Variants in SCN3A observed in about 807,000 individuals in gnomAD.
The protein encoded by SCN3A is sodium channel protein type 3 subunit alpha.
SCN3A carries 60 observed loss-of-function variants against 187.6 expected under a neutral mutation model. The ratio of observed to expected loss-of-function variants is 0.32; its 90% CI spans 0.26 to 0.40. The LOEUF is 0.40. Ranked by LOEUF, SCN3A falls within the 10% of genes least tolerant of loss-of-function variation. The probability of loss-of-function intolerance (pLI) is 1.00; values close to 1 mark genes in which losing one functional copy is unlikely to be tolerated. For missense variants in SCN3A, 1,601 were observed against 2,428.2 expected (o/e 0.66, Z 7.16); for synonymous variants, 788 against 829.2 (o/e 0.95, Z 0.85).
intron 18 of SCN3A, among the ~76,000 whole-genome samples, chr2:165,122,239 C>T (rs75455253): frequency 0.21 from 27,204 of 127,920 alleles, 2,820 homozygotes; most frequent in South Asian, 0.29. Flanking sequence ...TCTTTTTTTT[C>T]TTTTTTTTTT....
intron 9 of SCN3A, among the ~76,000 whole-genome samples, chr2:165,161,510 A>G (rs1689396032): frequency 6.6e-6 from 1 of 152,174 alleles, no homozygotes; most frequent in Admixed American, 6.5e-5. Context: ...TATGACTAGT[A>G]TACATTTTCA....
chr2:165,162,961 G>T, intron 7 of SCN3A, 133 bp from the exon 8 acceptor site: 1 of 1,054,558 alleles, frequency 9.5e-7, no homozygotes, highest in Non-Finnish European at 1.5e-6. Flanking sequence ...TGGATAGCCT[G>T]ATGATTTGGG....
intron 1 of SCN3A, among the ~76,000 whole-genome samples, chr2:165,186,997 C>A (rs947494448): frequency 1.3e-5 from 2 of 152,134 alleles, no homozygotes; most frequent in Non-Finnish European, 2.9e-5. Flanking sequence ...TCTTTGGCAG[C>A]CTTGATCCAT....
At chr2:165,138,895 A>T (rs571230397) in intron 14 of SCN3A, among the ~76,000 whole-genome samples, 1 of 152,198 alleles carries the variant, frequency 6.6e-6, no homozygotes, top group African/African-American at 2.4e-5. Flanking sequence ...TGTGTGATGT[A>T]TGAACAAGTT....
At chr2:165,168,903 T>G (rs1012735540) in intron 4 of SCN3A, 78 bp from the exon 5 acceptor site, 1 of 950,244 alleles carries the variant, frequency 1.1e-6, no homozygotes, top group Non-Finnish European at 1.7e-6. Context: ...CAAAAAAGTT[T>G]ATCGATGCAA....
intron 11 of SCN3A, among the ~76,000 whole-genome samples, chr2:165,147,758 T>C (rs967141027): frequency 7.9e-5 from 12 of 152,208 alleles, no homozygotes; most frequent in African/African-American, 2.9e-4. Flanking sequence ...AAATATTTTC[T>C]TTCTATATTG....
chr2:165,167,410 G>A (rs16850186), intron 5 of SCN3A, among the ~76,000 whole-genome samples: 34,303 of 151,694 alleles, frequency 0.23, 5,078 homozygotes, highest in East Asian at 0.52. Context: ...GACAAATAAT[G>A]GCTTAGAGTG....
intron 1 of SCN3A, among the ~76,000 whole-genome samples, chr2:165,189,839 A>G (rs1445445299): frequency 6.6e-6 from 1 of 152,126 alleles, no homozygotes; most frequent in African/African-American, 2.4e-5. Context: ...TGGCCATGGA[A>G]GCAACTTTAT....
At chr2:165,160,959 A>G (rs1310588822) in intron 9 of SCN3A, among the ~76,000 whole-genome samples, 4 of 151,922 alleles carry the variant, frequency 2.6e-5, no homozygotes, top group Non-Finnish European at 5.9e-5. Flanking sequence ...GAGACAGCCT[A>G]TCACCTAGGC....
At chr2:165,169,923 T>C (rs1025538069) in intron 4 of SCN3A, among the ~76,000 whole-genome samples, 4 of 150,780 alleles carry the variant, frequency 2.7e-5, no homozygotes, top group African/African-American at 9.7e-5. Flanking sequence ...CTGATAAATA[T>C]TTACTGAAAA....
chr2:165,128,236 G>A, intron 17 of SCN3A, 135 bp from the exon 18 acceptor site: 1 of 739,520 alleles, frequency 1.4e-6, no homozygotes, highest in Non-Finnish European at 2.2e-6. Flanking sequence ...TATTTCAGAT[G>A]CCATGTCTAA....
At chr2:165,198,381 C>T (rs181431209) in intron 1 of SCN3A, among the ~76,000 whole-genome samples, 6 of 151,980 alleles carry the variant, frequency 3.9e-5, no homozygotes, top group East Asian at 1.9e-4. Flanking sequence ...CCTCTCCATG[C>T]GGTTTATTTT....
chr2:165,119,010 C>A (rs1282630224), intron 18 of SCN3A, among the ~76,000 whole-genome samples: 1 of 150,550 alleles, frequency 6.6e-6, no homozygotes, highest in Non-Finnish European at 1.5e-5. Flanking sequence ...GATCAGCCTG[C>A]CTCGGCCTCC....
intron 18 of SCN3A, among the ~76,000 whole-genome samples, chr2:165,116,320 A>T (rs535782529): frequency 6.6e-6 from 1 of 152,324 alleles, no homozygotes; most frequent in South Asian, 2.1e-4. Context: ...TCAATGTGTG[A>T]TCCGGCTGTG....
chr2:165,166,954 C>T (rs1264285280), intron 5 of SCN3A, among the ~76,000 whole-genome samples: 1 of 150,886 alleles, frequency 6.6e-6, no homozygotes, highest in Non-Finnish European at 1.5e-5. Context: ...GGCTGGAATG[C>T]AGTGGTGGGA....
At position 165,115,552 on chromosome 2, in the gene SCN3A, A is replaced by G; in HGVS notation, c.3417T>C (p.Ser1139=). 6.2e-7 allele frequency: 1 copy of G among 1,613,864 alleles called. No individual in the cohort carries two copies. The highest frequency in any genetic ancestry group is 1.3e-5 in the African/African-American group (1 of 74,974). The stretch of plus-strand genomic sequence containing the variant: ...GAACAACATCAACTGTGCTTCCTTC[A>G]GATGAGCTGGTTGCATTTAATTTCT... ...SKEKLNATSS[S]EGSTVDVVLP... Residue 1139 remains serine, a synonymous_variant, in exon 19 of 28, where the codon TCT becomes TCC. Coordinates refer to ENST00000283254, the MANE Select transcript of SCN3A (RefSeq NM_006922.4).
chr2:165,131,578 A>C (rs1687322406), intron 15 of SCN3A, among the ~76,000 whole-genome samples, 161 bp from the exon 16 acceptor site: 1 of 151,184 alleles, frequency 6.6e-6, no homozygotes, highest in Admixed American at 6.6e-5. Flanking sequence ...TTCATTTTTT[A>C]TTTTTATTTA....
At chr2:165,194,579 G>C (rs1691825206) in intron 1 of SCN3A, among the ~76,000 whole-genome samples, 2 of 151,972 alleles carry the variant, frequency 1.3e-5, no homozygotes, top group Non-Finnish European at 2.9e-5. Flanking sequence ...TAAATGCCTT[G>C]AGTAGAATAT....
chr2:165,125,142 C>G (rs1686911856), intron 18 of SCN3A, among the ~76,000 whole-genome samples: 1 of 152,154 alleles, frequency 6.6e-6, no homozygotes, highest in Non-Finnish European at 1.5e-5. Context: ...ATACCAAGCT[C>G]ACTGTCAGCT....
Sources: allele counts gnomAD v4.1 joint callset (sites outside exome capture counted in the v4.1 genomes callset), GRCh38; gene constraint gnomAD v4.1.1; transcripts MANE v1.5; gene names NCBI Gene and HGNC (gene_info 2026-07-23, HGNC 2026-07-21).